Variants in ZNF490 observed in about 807,000 individuals in gnomAD.
ZNF490 encodes the protein zinc finger protein 490.
Under a neutral mutation model 17.7 loss-of-function variants are expected in ZNF490, and 11 were observed. That is an observed-to-expected ratio of 0.62 (90% CI 0.39 to 1.03). The LOEUF is 1.03. Ranked by LOEUF, ZNF490 falls within the 50% of genes least tolerant of loss-of-function variation. The pLI is 0.00. For missense variants in ZNF490, 542 were observed against 643.4 expected (o/e 0.84, Z 1.71); for synonymous variants, 222 against 216.1 (o/e 1.03, Z -0.24).
At chr19:12,583,816 T>TTTA (rs1470131731) in intron 2 of ZNF490, among the ~76,000 whole-genome samples, 3 of 117,230 alleles carry the variant, frequency 2.6e-5, no homozygotes, top group Non-Finnish European at 5.4e-5. Context: ...TATATATTTT[T>TTTA]TTTTTTTTTT....
At chr19:12,582,001 A>G (rs959174178) in intron 4 of ZNF490, among the ~76,000 whole-genome samples, 1 of 152,150 alleles carries the variant, frequency 6.6e-6, no homozygotes, top group Non-Finnish European at 1.5e-5. Context: ...AGCTCACTGC[A>G]ACCTCCGCCT....
intron 2 of ZNF490, among the ~76,000 whole-genome samples, chr19:12,596,424 A>G (rs1444593823): frequency 6.6e-6 from 1 of 152,186 alleles, no homozygotes; most frequent in Non-Finnish European, 1.5e-5. Context: ...TCACGCCTAT[A>G]ATACCAACAT....
rs1001183734 is a variant in ZNF490, at chr19:12,580,340, G to T, written c.*145C>A. ...CCCATTTGTTAAATATTTCATTGCC[G>T]CATGAGTCACGTCTTCAAAGGGAAT... On this transcript the variant is annotated 3_prime_UTR_variant, in exon 5 of 5. Coordinates refer to ENST00000311437, the MANE Select transcript of ZNF490 (RefSeq NM_020714.3). 1 of 1,448,500 alleles carries T rather than the reference G, an allele frequency of 6.9e-7. No homozygotes were observed. The highest frequency in any genetic ancestry group is 9.0e-7 in the Non-Finnish European group (1 of 1,105,924). The allele number at this position is 1,448,500 out of a possible 1,614,324, so 89.7% of individuals were successfully genotyped here. A position where few individuals can be genotyped will look rare whatever the true frequency, so the allele number is the denominator to read the frequency against.
intron 2 of ZNF490, among the ~76,000 whole-genome samples, chr19:12,604,636 T>C (rs945831331): frequency 6.8e-6 from 1 of 147,510 alleles, no homozygotes; most frequent in Non-Finnish European, 1.5e-5. Flanking sequence ...CACTCCAGCC[T>C]GGGCAAAAGA....
In ZNF490 at chr19:12,581,704, A is replaced by G. The variant is rs934796309; in HGVS notation, c.371T>C (p.Leu124Pro). 2.2e-5 allele frequency: 36 copies of G among 1,612,688 alleles called. No individual in the cohort carries two copies. Among genetic ancestry groups the G allele is most frequent in the Non-Finnish European group, 3.0e-5 (35 of 1,179,188 alleles). ...TGGACAATCTTCTTTATTTTCACAGAGTGCTTCAACCATAGGACTTCTGTA... is the reference window on the plus strand; with the variant it reads ...TGGACAATCTTCTTTATTTTCACAGGGTGCTTCAACCATAGGACTTCTGTA... ...RNLRSPMVEA[L>P]CENKEDCPCG... The change falls in exon 5 of 5, where the codon CTC (leucine) becomes CCC (proline). Residue 124 changes from leucine to proline, a missense_variant. Leu to Pro is a moderately conservative substitution (Grantham distance 98). Coordinates refer to ENST00000311437, the MANE Select transcript of ZNF490 (RefSeq NM_020714.3).
chr19:12,599,159 A>AAAAG (rs1403950177), intron 2 of ZNF490, among the ~76,000 whole-genome samples: 54 of 147,996 alleles, frequency 3.6e-4, no homozygotes, highest in East Asian at 1.6e-3. Context: ...AAAAAAAAAA[A>AAAAG]AAAGAAAGAA....
chr19:12,592,220 C>T (rs1479811150), intron 2 of ZNF490, among the ~76,000 whole-genome samples: 1 of 152,052 alleles, frequency 6.6e-6, no homozygotes, highest in African/African-American at 2.4e-5. Context: ...CCTATCATCT[C>T]AGCTACTCGG....
rs1015136373 is a variant in ZNF490 at position 12,583,030 on chromosome 19, G to A, written c.290-120C>T. 7 of 777,666 alleles carry A rather than the reference G, an allele frequency of 9.0e-6. No individual in the cohort carries two copies. In the Admixed American group the frequency reaches 1.2e-4, roughly 13 times the overall value. 48.2% of individuals were successfully genotyped at this position (777,666 alleles called of 1,614,324 possible). On this transcript the variant is annotated intron_variant, in intron 3 of 4. Coordinates refer to ENST00000311437, the MANE Select transcript of ZNF490 (RefSeq NM_020714.3). The stretch of plus-strand genomic sequence containing the variant: ...GACACTGTCTGATCTACTTACTAAA[G>A]TATTCTCTTCCCACATTTTTTTTTT...
intron 2 of ZNF490, among the ~76,000 whole-genome samples, chr19:12,607,880 T>C (rs1276954509): frequency 6.6e-6 from 1 of 151,906 alleles, no homozygotes; most frequent in Non-Finnish European, 1.5e-5. Flanking sequence ...CACTGAAAAA[T>C]ACCAGCATGC....
intron 2 of ZNF490, among the ~76,000 whole-genome samples, chr19:12,589,551 G>A (rs910973403): frequency 4.7e-5 from 7 of 147,728 alleles, no homozygotes; most frequent in African/African-American, 1.7e-4. Flanking sequence ...AGGAATAGAA[G>A]GGAATTTCTT....
rs1471112492 is a variant in ZNF490, at chr19:12,576,473, T to G, written c.*4012A>C. ...GTGAGCCGAGATCATGCCACTGCAG[T>G]CCAGCTTGGTGACAGAGCGAGACTG... On this transcript the variant is annotated 3_prime_UTR_variant, in exon 5 of 5. Transcript: ENST00000311437. 2.0e-5 allele frequency among the ~76,000 whole-genome samples: 3 copies of G among 151,022 alleles called. No homozygotes were observed. Among genetic ancestry groups the G allele is most frequent in the African/African-American group, 7.3e-5 (3 of 40,954 alleles).
chr19:12,592,690 G>C (rs1010880623), intron 2 of ZNF490, among the ~76,000 whole-genome samples: 3 of 152,162 alleles, frequency 2.0e-5, no homozygotes, highest in Non-Finnish European at 1.5e-5. Context: ...GTATAACAGA[G>C]TCAGCCCTAA....
rs183009335 is a variant in ZNF490 at position 12,592,229 on chromosome 19, G to A, written c.163-8673C>T. Among the ~76,000 whole-genome samples the A allele has an allele frequency of 3.7e-4, 56 of 152,054 alleles. No homozygotes were observed. The East Asian group carries it at 5.0e-3, about 14-fold the overall frequency. The stretch of plus-strand genomic sequence containing the variant: ...CGCTTGCCTATCATCTCAGCTACTC[G>A]GGAGGCTGAGGCAGGAGAATCAGGT... On this transcript the variant is annotated intron_variant, in intron 2 of 4. Transcript: ENST00000311437.
chr19:12,595,276 A>C (rs988447719), intron 2 of ZNF490, among the ~76,000 whole-genome samples: 1 of 151,930 alleles, frequency 6.6e-6, no homozygotes. Context: ...CTGGGATTAC[A>C]GCCATGCACC....
At chr19:12,606,189 ATT>A (rs140363828) in intron 2 of ZNF490, among the ~76,000 whole-genome samples, 2 of 139,208 alleles carry the variant, frequency 1.4e-5, no homozygotes, top group Non-Finnish European at 3.1e-5. Context: ...CTAAAATAGG[ATT>A]TTTTTTTTTT....
intron 2 of ZNF490, among the ~76,000 whole-genome samples, chr19:12,591,224 A>G (rs911499830): frequency 2.4e-4 from 37 of 152,150 alleles, no homozygotes; most frequent in African/African-American, 8.7e-4. Context: ...CCCTGTCTCT[A>G]CTAAAAATAC....
chr19:12,588,985 C>T (rs1316597716), intron 2 of ZNF490, among the ~76,000 whole-genome samples: 3 of 152,098 alleles, frequency 2.0e-5, no homozygotes, highest in Non-Finnish European at 4.4e-5. Context: ...CATATACCAC[C>T]AAAGAATGAT....
chr19:12,591,845 A>C lies in ZNF490; in HGVS notation c.163-8289T>G, dbSNP rs569507267. Among the ~76,000 whole-genome samples, 10 of 152,236 alleles carry C rather than the reference A, an allele frequency of 6.6e-5. No individual in the cohort carries two copies. In the South Asian group the frequency reaches 8.3e-4, roughly 13 times the overall value. On this transcript the variant is annotated intron_variant, in intron 2 of 4. Coordinates refer to ENST00000311437, the MANE Select transcript of ZNF490 (RefSeq NM_020714.3). Reference sequence around the variant, plus strand: ...GGCAGACAGTTACAAAAAAAAAAAAAACACACTCTTAAATTGTAATCTAGC... The same window carrying C: ...GGCAGACAGTTACAAAAAAAAAAAACACACACTCTTAAATTGTAATCTAGC...
Position 12,609,499 on chromosome 19 carries a change from GCCTCAGCCTCCGAAGGAGCTAGGACT to G in ZNF490, c.118-323_118-298del, listed in dbSNP as rs985869325. On this transcript the variant is annotated intron_variant, in intron 1 of 4. Coordinates refer to ENST00000311437, the MANE Select transcript of ZNF490 (RefSeq NM_020714.3). ...AAACTCTTAGCCTTGAGATCCTTCTGCCTCAGCCTCCGAAGGAGCTAGGACTACAGGTGAACACCATACCCAGCTAA... is the reference window on the plus strand; with the variant it reads ...AAACTCTTAGCCTTGAGATCCTTCTGACAGGTGAACACCATACCCAGCTAA... Among the ~76,000 whole-genome samples, 155 of 152,246 alleles carry G rather than the reference GCCTCAGCCTCCGAAGGAGCTAGGACT, an allele frequency of 1.0e-3. 1 individual carries two copies. Among genetic ancestry groups the G allele is most frequent in the African/African-American group, 3.6e-3 (150 of 41,530 alleles).
Sources: gnomAD v4.1 joint callset for allele counts (sites outside exome capture counted in the v4.1 genomes callset) on GRCh38, gnomAD v4.1.1 for gene constraint, MANE v1.5 for transcripts, NCBI Gene and HGNC (gene_info 2026-07-23, HGNC 2026-07-21) for gene names.